WASF1: variants seen among roughly 807,000 people sequenced by gnomAD.
WASF1 encodes the protein WASP family member 1, also known as actin-binding protein WASF1.
Under a neutral mutation model 50.5 loss-of-function variants are expected in WASF1, and 7 were observed. That is an observed-to-expected ratio of 0.14 (90% CI 0.08 to 0.26). The LOEUF (loss-of-function observed/expected upper bound fraction) is 0.26. Among genes scored for constraint, WASF1 ranks in the 10% least tolerant of loss-of-function variants. The pLI is 1.00. For missense variants in WASF1, 470 were observed against 694.7 expected, an observed-to-expected ratio of 0.68 and a Z score of 3.64; for synonymous variants, 205 against 244.0, an observed-to-expected ratio of 0.84 and a Z score of 1.49.
At chr6:110,120,834 C>G (rs1774080767) in intron 4 of WASF1, among the ~76,000 whole-genome samples, 1 of 152,144 alleles carries the variant, frequency 6.6e-6, no homozygotes, top group South Asian at 2.1e-4. Flanking sequence ...GGTACCAAAA[C>G]AGAGATATAG....
intron 3 of WASF1, among the ~76,000 whole-genome samples, chr6:110,134,287 T>A (rs1279287772): frequency 6.6e-6 from 1 of 152,162 alleles, no homozygotes; most frequent in Non-Finnish European, 1.5e-5. Context: ...GCTTGCCGAT[T>A]ATCGCAGCAA....
In WASF1 at chr6:110,179,479, C is replaced by G. The variant is rs1562195864; in HGVS notation, c.-312G>C. ...GCTCACGCCTTACCCCTTCTTCATG[C>G]TTCGGCAGCGGTCGCCGGTCCCCCT... On this transcript the variant is annotated 5_prime_UTR_variant, in exon 1 of 11. Transcript: ENST00000392589. 6.6e-6 allele frequency: 1 copy of G among 152,206 alleles called. No individual in the cohort carries two copies. Among genetic ancestry groups the G allele is most frequent in the Non-Finnish European group, 1.5e-5 (1 of 68,072 alleles). 9.4% of individuals were successfully genotyped at this position (152,206 alleles called of 1,614,324 possible).
chr6:110,153,539 TTTTAA>T (rs1775918234), intron 3 of WASF1, among the ~76,000 whole-genome samples: 1 of 152,172 alleles, frequency 6.6e-6, no homozygotes, highest in Non-Finnish European at 1.5e-5. Flanking sequence ...TTGTCAACCT[TTTTAA>T]TTTTAGTCAA....
chr6:110,108,229 T>G (rs1046264246), intron 6 of WASF1, among the ~76,000 whole-genome samples: 1 of 151,772 alleles, frequency 6.6e-6, no homozygotes, highest in Non-Finnish European at 1.5e-5. Flanking sequence ...CTTTTTCCAT[T>G]TGATTAAAAA....
intron 3 of WASF1, among the ~76,000 whole-genome samples, chr6:110,143,053 A>G (rs989119598): frequency 4.0e-5 from 6 of 151,842 alleles, no homozygotes; most frequent in Non-Finnish European, 7.4e-5. Flanking sequence ...GCAAACATCA[A>G]TAGATTGTTG....
At chr6:110,118,123 G>T (rs1310510095) in intron 4 of WASF1, among the ~76,000 whole-genome samples, 1 of 151,884 alleles carries the variant, frequency 6.6e-6, no homozygotes, top group Non-Finnish European at 1.5e-5. Context: ...AAAATAACCA[G>T]CTAACATGAT....
intron 4 of WASF1, among the ~76,000 whole-genome samples, chr6:110,124,208 T>TC (rs1257472763): frequency 4.4e-5 from 5 of 112,552 alleles, no homozygotes; most frequent in South Asian, 3.2e-4. Context: ...TCTCTCTCTC[T>TC]CTCTCTCTCC....
At chr6:110,174,555 T>C (rs1413777985) in intron 2 of WASF1, among the ~76,000 whole-genome samples, 5 of 152,198 alleles carry the variant, frequency 3.3e-5, no homozygotes, top group Non-Finnish European at 7.4e-5. Context: ...GATAAAGCAG[T>C]TCTGAAACAA....
intron 3 of WASF1, among the ~76,000 whole-genome samples, chr6:110,138,238 A>C (rs1002834498): frequency 6.6e-6 from 1 of 152,230 alleles, no homozygotes; most frequent in African/African-American, 2.4e-5. Flanking sequence ...AGTGGCTTCC[A>C]CCACAGGAAC....
chr6:110,168,890 TCTC>T lies in WASF1; in HGVS notation c.-126-8161_-126-8159del, dbSNP rs1287831015. Among the ~76,000 whole-genome samples, 4 of 152,198 alleles carry T rather than the reference TCTC, an allele frequency of 2.6e-5. No homozygotes were observed. In the East Asian group the frequency reaches 5.8e-4, roughly 22 times the overall value. On this transcript the variant is annotated intron_variant, in intron 2 of 10. Coordinates refer to ENST00000392589, the MANE Select transcript of WASF1 (RefSeq NM_003931.3). ...TACCAAGTTCCTGCAATCCTGTCAT[TCTC>T]CTCTACTTTCAAAACCATCAACACA...
At chr6:110,147,073 C>T (rs1439001038) in intron 3 of WASF1, among the ~76,000 whole-genome samples, 5 of 151,982 alleles carry the variant, frequency 3.3e-5, no homozygotes, top group South Asian at 2.1e-4. Context: ...TGAGGCCAGG[C>T]GCGGTGGCTC....
chr6:110,100,981 A>G (rs903486512), intron 10 of WASF1, among the ~76,000 whole-genome samples: 6 of 152,194 alleles, frequency 3.9e-5, no homozygotes, highest in South Asian at 2.1e-4. Flanking sequence ...CATTTCTTCT[A>G]TCACCTCAAT....
At chr6:110,105,694 A>G (rs906134668) in intron 7 of WASF1, 115 bp from the exon 8 acceptor site, 2 of 976,328 alleles carry the variant, frequency 2.0e-6, no homozygotes. Context: ...ATGTCATCAT[A>G]ATATAGTAAA....
Position 110,101,905 on chromosome 6 carries a change from C to G in WASF1, c.1205G>C (p.Arg402Thr). The change falls in exon 10 of 11, where the codon AGA becomes ACA. Residue 402 changes from arginine (R) to threonine (T), a missense_variant. Arg to Thr is a moderately conservative substitution (Grantham distance 71). Transcript: ENST00000392589. ...TACAGTCTCACATACTGGGGCAGCTCTAGCTACTGGTGGAGAGGGCTGTAC... is the reference window on the plus strand; with the variant it reads ...TACAGTCTCACATACTGGGGCAGCTGTAGCTACTGGTGGAGAGGGCTGTAC... ...PLVQPSPPVARAAPVCETVPV... is the reference protein window; with the variant it reads ...PLVQPSPPVATAAPVCETVPV... 6.2e-7 allele frequency: 1 copy of G among 1,612,812 alleles called. No homozygotes were observed. Among genetic ancestry groups the G allele is most frequent in the Non-Finnish European group, 8.5e-7 (1 of 1,179,414 alleles).
At chr6:110,132,956 T>G (rs1376466002) in intron 3 of WASF1, among the ~76,000 whole-genome samples, 1 of 128,482 alleles carries the variant, frequency 7.8e-6, no homozygotes, top group Admixed American at 7.7e-5. Context: ...GTGTATTCCA[T>G]GGTGTATACA....
At chr6:110,113,265 CA>C in intron 5 of WASF1, 60 bp downstream of exon 5, 1 of 1,348,354 alleles carries the variant, frequency 7.4e-7, no homozygotes, top group Non-Finnish European at 9.8e-7. Flanking sequence ...TTAAGTATAT[CA>C]TTCATCTCAT....
At chr6:110,103,640 G>T in intron 8 of WASF1, 83 bp from the exon 9 acceptor site, 2 of 1,246,540 alleles carry the variant, frequency 1.6e-6, no homozygotes. Context: ...AATATTTAAA[G>T]TTTATCCTTT....
At chr6:110,111,297 T>C (rs894313226) in intron 5 of WASF1, among the ~76,000 whole-genome samples, 1 of 152,048 alleles carries the variant, frequency 6.6e-6, no homozygotes, top group Non-Finnish European at 1.5e-5. Context: ...CCACTAACAA[T>C]GATTTTATTT....
At chr6:110,140,758 TCCC>T (rs1775192577) in intron 3 of WASF1, among the ~76,000 whole-genome samples, 1 of 152,044 alleles carries the variant, frequency 6.6e-6, no homozygotes, top group Non-Finnish European at 1.5e-5. Context: ...AGTACTGAAC[TCCC>T]CCTTCTTGTG....
Sources: gnomAD v4.1 joint callset for allele counts (sites outside exome capture counted in the v4.1 genomes callset) on GRCh38, gnomAD v4.1.1 for gene constraint, MANE v1.5 for transcripts, NCBI Gene and HGNC (gene_info 2026-07-23, HGNC 2026-07-21) for gene names.